The following KCNB2 variants were observed in gnomAD, a reference collection of about 807,000 sequenced individuals.
The protein encoded by KCNB2 is potassium voltage-gated channel subfamily B member 2.
Under a neutral mutation model 61.5 loss-of-function variants are expected in KCNB2, and 15 were observed. That is an observed-to-expected ratio of 0.24 (90% CI 0.16 to 0.38). KCNB2 has a LOEUF of 0.38. Among genes scored for constraint, KCNB2 ranks in the 10% least tolerant of loss-of-function variants. KCNB2 has a pLI of 1.00. For synonymous variants in KCNB2, 457 were observed against 446.0 expected, an observed-to-expected ratio of 1.02 and a Z score of -0.31; for missense variants, 828 against 1,125.2, an observed-to-expected ratio of 0.74 and a Z score of 3.78.
chr8:72,687,391 G>C (rs1806869394), intron 2 of KCNB2, among the ~76,000 whole-genome samples: 1 of 152,026 alleles, frequency 6.6e-6, no homozygotes, highest in Non-Finnish European at 1.5e-5. Flanking sequence ...TTTATTTTGT[G>C]GGTATATTAT....
chr8:72,916,665 G>A (rs1379980595), intron 2 of KCNB2, among the ~76,000 whole-genome samples: 1 of 152,182 alleles, frequency 6.6e-6, no homozygotes, highest in African/African-American at 2.4e-5. Context: ...GGAGGAATGA[G>A]GTCACATGAA....
chr8:72,852,417 C>A (rs1287259594), intron 2 of KCNB2, among the ~76,000 whole-genome samples: 16 of 152,296 alleles, frequency 1.1e-4, no homozygotes, highest in African/African-American at 3.6e-4. Flanking sequence ...TATTACTCAT[C>A]AGCAGTATTT....
intron 2 of KCNB2, among the ~76,000 whole-genome samples, chr8:72,858,845 T>G (rs1810248839): frequency 6.6e-6 from 1 of 152,224 alleles, no homozygotes; most frequent in Non-Finnish European, 1.5e-5. Context: ...CAATAAGGGT[T>G]GCTCCTCTTC....
intron 2 of KCNB2, among the ~76,000 whole-genome samples, chr8:72,884,225 G>T (rs1026933188): frequency 1.1e-3 from 167 of 152,240 alleles, no homozygotes; most frequent in African/African-American, 3.8e-3. Context: ...TCACACCATA[G>T]ATTGTCTATT....
At chr8:72,776,072 T>C (rs1026029015) in intron 2 of KCNB2, among the ~76,000 whole-genome samples, 50 of 152,028 alleles carry the variant, frequency 3.3e-4, no homozygotes, top group African/African-American at 1.1e-3. Context: ...TATGCAGCCA[T>C]AAAAAAGGAT....
chr8:72,691,022 G>A lies in KCNB2; in HGVS notation c.579+122709G>A, dbSNP rs1161841295. 2.6e-5 allele frequency among the ~76,000 whole-genome samples: 4 copies of A among 152,198 alleles called. No individual in the cohort carries two copies. In the East Asian group the frequency reaches 7.7e-4, roughly 29 times the overall value. On this transcript the variant is annotated intron_variant, in intron 2 of 2. Transcript: ENST00000523207. ...ACTTGCTGCATCAATGGAGCCAAGT[G>A]TCAAGTCGACTTGGTGCCCGTTTTC...
At chr8:72,892,643 C>T (rs1805916830) in intron 2 of KCNB2, among the ~76,000 whole-genome samples, 1 of 152,122 alleles carries the variant, frequency 6.6e-6, no homozygotes, top group Non-Finnish European at 1.5e-5. Context: ...AGTTTATGTC[C>T]CTGCAAACTG....
chr8:72,648,175 C>T (rs1806160852), intron 2 of KCNB2, among the ~76,000 whole-genome samples: 1 of 152,072 alleles, frequency 6.6e-6, no homozygotes, highest in African/African-American at 2.4e-5. Context: ...ACTCGGTACC[C>T]TTGATGTTAT....
intron 2 of KCNB2, among the ~76,000 whole-genome samples, chr8:72,828,489 T>C (rs1315646393): frequency 2.6e-5 from 4 of 152,192 alleles, no homozygotes; most frequent in African/African-American, 9.6e-5. Context: ...CCTAATCTCA[T>C]AGGATTTTGT....
intron 2 of KCNB2, among the ~76,000 whole-genome samples, chr8:72,868,090 G>A (rs1190955633): frequency 7.0e-6 from 1 of 142,776 alleles, no homozygotes; most frequent in East Asian, 2.1e-4. Flanking sequence ...TTTTTTTTTA[G>A]AGACAGGGTC....
At chr8:72,710,724 G>A (rs906488411) in intron 2 of KCNB2, among the ~76,000 whole-genome samples, 10 of 152,114 alleles carry the variant, frequency 6.6e-5, no homozygotes, top group South Asian at 6.2e-4. Flanking sequence ...TCCTTGGTTA[G>A]ATACAAAGAA....
intron 2 of KCNB2, among the ~76,000 whole-genome samples, chr8:72,652,256 T>C (rs1202389238): frequency 9.9e-5 from 15 of 152,144 alleles, no homozygotes; most frequent in Non-Finnish European, 1.5e-5. Flanking sequence ...TTGTAATAAA[T>C]ATACAAGTCC....
intron 2 of KCNB2, among the ~76,000 whole-genome samples, chr8:72,693,271 G>A (rs1197439328): frequency 1.3e-5 from 2 of 152,160 alleles, no homozygotes; most frequent in Non-Finnish European, 2.9e-5. Flanking sequence ...ACTTCCCACA[G>A]CACTTTTCTT....
chr8:72,640,439 A>T (rs1806036430), intron 2 of KCNB2, among the ~76,000 whole-genome samples: 1 of 152,070 alleles, frequency 6.6e-6, no homozygotes, highest in African/African-American at 2.4e-5. Flanking sequence ...ATATTGTGGA[A>T]GTGAAGCAAC....
At chr8:72,618,351 A>G (rs1160659925) in intron 2 of KCNB2, among the ~76,000 whole-genome samples, 3 of 152,162 alleles carry the variant, frequency 2.0e-5, no homozygotes, top group Non-Finnish European at 4.4e-5. Flanking sequence ...CTTGCCTATT[A>G]ATTCACCCTA....
chr8:72,730,187 G>A (rs1049355437), intron 2 of KCNB2, among the ~76,000 whole-genome samples: 1 of 152,134 alleles, frequency 6.6e-6, no homozygotes, highest in Non-Finnish European at 1.5e-5. Flanking sequence ...CCTAGAGGGT[G>A]GGGGAGGAGT....
chr8:72,663,411 T>G (rs1432761717), intron 2 of KCNB2, among the ~76,000 whole-genome samples: 2 of 152,280 alleles, frequency 1.3e-5, no homozygotes, highest in South Asian at 4.2e-4. Context: ...TTTAAAAATC[T>G]ACTTAATTCT....
At chr8:72,774,965 A>C (rs2958414) in intron 2 of KCNB2, among the ~76,000 whole-genome samples, 13,644 of 152,192 alleles carry the variant, frequency 0.09, 1,194 homozygotes, top group East Asian at 0.49. Flanking sequence ...GCCCATTAAC[A>C]ATTGGCCAGG....
chr8:72,780,292 A>G (rs527559775), intron 2 of KCNB2, among the ~76,000 whole-genome samples: 1 of 152,334 alleles, frequency 6.6e-6, no homozygotes, highest in African/African-American at 2.4e-5. Flanking sequence ...ATTTTATCTT[A>G]AATTATATGG....
Sources: gnomAD v4.1 joint callset for allele counts (sites outside exome capture counted in the v4.1 genomes callset) on GRCh38, gnomAD v4.1.1 for gene constraint, MANE v1.5 for transcripts, NCBI Gene and HGNC (gene_info 2026-07-23, HGNC 2026-07-21) for gene names.